The following CADPS2 variants were observed in gnomAD, a reference collection of about 807,000 sequenced individuals.
CADPS2 encodes the protein calcium dependent secretion activator 2, also known as calcium-dependent secretion activator 2.
A neutral mutation model predicts 172.5 loss-of-function variants in CADPS2; 93 were observed. The ratio of observed to expected loss-of-function variants is 0.54; its 90% CI spans 0.46 to 0.64. CADPS2 has a LOEUF of 0.64. Ranked by LOEUF, CADPS2 falls within the 30% of genes least tolerant of loss-of-function variation. The pLI is 0.00. For missense variants in CADPS2, 1,420 were observed against 1,565.9 expected, an observed-to-expected ratio of 0.91 and a Z score of 1.57; for synonymous variants, 546 against 555.2, an observed-to-expected ratio of 0.98 and a Z score of 0.23.
chr7:122,645,654 CTA>C (rs2078439416), intron 3 of CADPS2, among the ~76,000 whole-genome samples: 1 of 31,016 alleles, frequency 3.2e-5, no homozygotes, highest in African/African-American at 9.2e-5. Flanking sequence ...ACATATATCT[CTA>C]AGATATATAT....
At chr7:122,409,920 T>G (rs927056334) in intron 19 of CADPS2, among the ~76,000 whole-genome samples, 1 of 152,224 alleles carries the variant, frequency 6.6e-6, no homozygotes, top group Non-Finnish European at 1.5e-5. Flanking sequence ...TTATCTGGGT[T>G]AAAGTTCTTT....
intron 1 of CADPS2, among the ~76,000 whole-genome samples, chr7:122,880,667 G>C (rs11977146): frequency 0.012 from 1,841 of 152,248 alleles, 40 homozygotes; most frequent in African/African-American, 0.043. Context: ...TTACCTTGGG[G>C]TACAACCTGG....
At chr7:122,325,782 G>A (rs1046092824) in intron 28 of CADPS2, among the ~76,000 whole-genome samples, 3 of 152,010 alleles carry the variant, frequency 2.0e-5, no homozygotes, top group Non-Finnish European at 4.4e-5. Context: ...GTTGACCTAG[G>A]CTGTTCTTTA....
intron 8 of CADPS2, among the ~76,000 whole-genome samples, chr7:122,528,844 A>T (rs4731059): frequency 6.6e-6 from 1 of 151,966 alleles, no homozygotes; most frequent in South Asian, 2.1e-4. Context: ...TAAACATTAA[A>T]GTTTTTCTAT....
intron 14 of CADPS2, among the ~76,000 whole-genome samples, chr7:122,459,622 T>C (rs1369708759): frequency 1.3e-5 from 2 of 152,204 alleles, no homozygotes; most frequent in East Asian, 1.9e-4. Context: ...AATGATGCTA[T>C]CTTGCTGATT....
At chr7:122,401,737 T>G (rs972163965) in intron 20 of CADPS2, among the ~76,000 whole-genome samples, 1 of 152,176 alleles carries the variant, frequency 6.6e-6, no homozygotes, top group Non-Finnish European at 1.5e-5. Flanking sequence ...TAGATTGGGG[T>G]AGATGAAGGC....
intron 15 of CADPS2, among the ~76,000 whole-genome samples, chr7:122,443,680 C>G (rs1586092425): frequency 1.2e-5 from 1 of 81,728 alleles, no homozygotes; most frequent in Non-Finnish European, 2.3e-5. Flanking sequence ...GCCAGAAATC[C>G]TTTATGTCAG....
At chr7:122,398,514 CA>C (rs1180753390) in intron 20 of CADPS2, among the ~76,000 whole-genome samples, 1 of 152,104 alleles carries the variant, frequency 6.6e-6, no homozygotes, top group Non-Finnish European at 1.5e-5. Flanking sequence ...ACAATAAAAT[CA>C]ACAGACTTTG....
At chr7:122,502,730 G>A (rs961673447) in intron 9 of CADPS2, among the ~76,000 whole-genome samples, 4 of 151,872 alleles carry the variant, frequency 2.6e-5, no homozygotes, top group Admixed American at 6.6e-5. Context: ...AACCATATGC[G>A]TTTATTTCAT....
intron 2 of CADPS2, among the ~76,000 whole-genome samples, chr7:122,730,128 A>G (rs1004027356): frequency 6.6e-6 from 1 of 151,804 alleles, no homozygotes. Flanking sequence ...CTTAGTGTAT[A>G]AACAATGCCT....
intron 8 of CADPS2, among the ~76,000 whole-genome samples, chr7:122,526,135 A>C (rs967642600): frequency 5.9e-5 from 9 of 152,096 alleles, no homozygotes; most frequent in Admixed American, 5.2e-4. Context: ...ACATTTCTGC[A>C]GTTGCTCACA....
intron 6 of CADPS2, among the ~76,000 whole-genome samples, chr7:122,594,446 C>T (rs1160542773): frequency 1.3e-5 from 2 of 151,922 alleles, no homozygotes; most frequent in East Asian, 3.9e-4. Flanking sequence ...TTCCCTTTCC[C>T]TTCAAAGAGC....
At chr7:122,607,905 T>C (rs975574173) in intron 6 of CADPS2, among the ~76,000 whole-genome samples, 1 of 152,138 alleles carries the variant, frequency 6.6e-6, no homozygotes, top group Non-Finnish European at 1.5e-5. Context: ...TTTGAGTGTT[T>C]TGCCTTTGGT....
chr7:122,388,543 T>C, intron 23 of CADPS2, 40 bp downstream of exon 23: 1 of 1,538,624 alleles, frequency 6.5e-7, no homozygotes, highest in South Asian at 1.2e-5. Flanking sequence ...TATTTTTGGG[T>C]GCTGGCACAT....
At chr7:122,820,653 G>A (rs1253917442) in intron 1 of CADPS2, among the ~76,000 whole-genome samples, 11 of 120,192 alleles carry the variant, frequency 9.2e-5, no homozygotes, top group Admixed American at 6.5e-4. Flanking sequence ...TCCGCCTCCC[G>A]GGTTCACGCC....
intron 1 of CADPS2, 68 bp downstream of exon 1, chr7:122,885,931 C>T (rs935092875): frequency 6.5e-7 from 1 of 1,529,162 alleles, no homozygotes; most frequent in African/African-American, 1.4e-5. Context: ...GGGAGGCGTC[C>T]CAGAGCTCTC....
rs73719719 is a variant in CADPS2, at chr7:122,611,509, C to T, written c.1223+3672G>A. On this transcript the variant is annotated intron_variant, in intron 6 of 29. Transcript: ENST00000449022. Reference sequence around the variant, plus strand: ...GCAAAAAACACAATTACTTTTGCACCAACATAACAGGAAAACACAAAATGA... The same window carrying T: ...GCAAAAAACACAATTACTTTTGCACTAACATAACAGGAAAACACAAAATGA... Among the ~76,000 whole-genome samples the T allele has an allele frequency of 8.5e-3, 1,290 of 151,800 alleles. 16 individuals are homozygous for T. Among genetic ancestry groups the T allele is most frequent in the African/African-American group, 0.03 (1,238 of 41,448 alleles).
intron 8 of CADPS2, among the ~76,000 whole-genome samples, chr7:122,541,700 T>C (rs929751323): frequency 1.4e-5 from 2 of 146,130 alleles, no homozygotes; most frequent in African/African-American, 2.5e-5. Flanking sequence ...TATATGTTTA[T>C]ATATTCATAT....
intron 1 of CADPS2, among the ~76,000 whole-genome samples, chr7:122,837,456 C>T (rs975757096): frequency 6.6e-6 from 1 of 152,034 alleles, no homozygotes; most frequent in African/African-American, 2.4e-5. Flanking sequence ...GACAGAGACA[C>T]AAAAAACCCT....
Sources: gnomAD v4.1 joint callset for allele counts (sites outside exome capture counted in the v4.1 genomes callset) on GRCh38, gnomAD v4.1.1 for gene constraint, MANE v1.5 for transcripts, NCBI Gene and HGNC (gene_info 2026-07-23, HGNC 2026-07-21) for gene names.